The following SPICE1 variants were observed in gnomAD, a reference collection of about 807,000 sequenced individuals.
SPICE1 encodes spindle and centriole associated protein 1.
A neutral mutation model predicts 102.7 loss-of-function variants in SPICE1; 75 were observed. The observed-to-expected ratio is 0.73, with a 90% CI of 0.61 to 0.88. The LOEUF (loss-of-function observed/expected upper bound fraction) is 0.88, where lower values mean the gene tolerates loss of function less well. Among genes scored for constraint, SPICE1 ranks in the 40% least tolerant of loss-of-function variants. The pLI is 0.00. For synonymous variants in SPICE1, 308 were observed against 350.3 expected, an observed-to-expected ratio of 0.88 and a Z score of 1.35; for missense variants, 979 against 1,020.1, an observed-to-expected ratio of 0.96 and a Z score of 0.55.
rs574233016 is a variant in SPICE1 at position 113,475,161 on chromosome 3, C to T, written c.612-5923G>A. Among the ~76,000 whole-genome samples the T allele has an allele frequency of 5.3e-4, 80 of 152,176 alleles. No individual in the cohort carries two copies. The East Asian group carries it at 7.3e-3, about 14-fold the overall frequency. ...TCAGAGAATACTACAAACACCTCTA[C>T]GCAAATAAACTAGAAAATCTAGAAG... On this transcript the variant is annotated intron_variant, in intron 7 of 17. Transcript: ENST00000295872.
intron 7 of SPICE1, among the ~76,000 whole-genome samples, chr3:113,475,756 G>A (rs1437046767): frequency 3.9e-5 from 6 of 152,096 alleles, no homozygotes; most frequent in East Asian, 1.9e-4. Context: ...AAAAACTCTC[G>A]ATAAATTAGG....
intron 7 of SPICE1, among the ~76,000 whole-genome samples, chr3:113,475,224 A>G (rs1021684773): frequency 1.3e-5 from 2 of 152,224 alleles, no homozygotes; most frequent in African/African-American, 4.8e-5. Flanking sequence ...TCCTCCCAAG[A>G]CTAAACCAGG....
intron 6 of SPICE1, among the ~76,000 whole-genome samples, chr3:113,491,037 C>G (rs919033072): frequency 2.6e-5 from 4 of 152,296 alleles, no homozygotes; most frequent in Admixed American, 2.6e-4. Flanking sequence ...CATCATGACT[C>G]CACTCTTTAA....
At chr3:113,450,148 A>C (rs1935611412) in intron 15 of SPICE1, 188 bp downstream of exon 15, 1 of 610,966 alleles carries the variant, frequency 1.6e-6, no homozygotes, top group South Asian at 2.0e-5. Flanking sequence ...AGAAATAATC[A>C]GGAGATCTGC....
intron 7 of SPICE1, among the ~76,000 whole-genome samples, chr3:113,469,566 TATTA>T (rs1366313536): frequency 2.0e-5 from 3 of 148,074 alleles, no homozygotes; most frequent in African/African-American, 7.4e-5. Context: ...ATGTATATTA[TATTA>T]ATTTATATAA....
Position 113,469,110 on chromosome 3 carries a change from C to A in SPICE1, c.740G>T (p.Gly247Val). 6.2e-7 allele frequency: 1 copy of A among 1,612,498 alleles called. No individual in the cohort carries two copies. The highest frequency in any genetic ancestry group is 8.5e-7 in the Non-Finnish European group (1 of 1,179,388). The change falls in exon 8 of 18, where the codon GGG (glycine) becomes GTG (valine). Residue 247 changes from glycine to valine, a missense_variant. Transcript: ENST00000295872. Reference protein sequence around the residue: ...PGTPSSALSSGEQRAALNATN... With the variant: ...PGTPSSALSSVEQRAALNATN... ...AAAGGGAAACAAACCTCTTTGCTCC[C>A]CTGATGAAAGAGCAGATGATGGCGT...
chr3:113,464,112 G>T (rs1446017033), intron 11 of SPICE1, among the ~76,000 whole-genome samples: 1 of 151,848 alleles, frequency 6.6e-6, no homozygotes, highest in Admixed American at 6.6e-5. Context: ...CTGGAGTGAG[G>T]AAAATGTTCT....
intron 6 of SPICE1, 110 bp from the exon 7 acceptor site, chr3:113,489,173 A>C (rs1031794521): frequency 3.1e-6 from 2 of 642,914 alleles, no homozygotes; most frequent in Non-Finnish European, 5.4e-6. Context: ...TAAGCCCTCC[A>C]CATGTTGTAG....
intron 4 of SPICE1, among the ~76,000 whole-genome samples, chr3:113,498,151 C>T (rs561158387): frequency 2.6e-5 from 4 of 152,288 alleles, no homozygotes; most frequent in Non-Finnish European, 4.4e-5. Flanking sequence ...GCTGGGATTA[C>T]AGGCATGAGC....
intron 7 of SPICE1, among the ~76,000 whole-genome samples, chr3:113,486,179 T>C (rs564185754): frequency 1.4e-5 from 2 of 139,734 alleles, no homozygotes; most frequent in South Asian, 2.3e-4. Context: ...ATATAGTATA[T>C]CAAATATACT....
chr3:113,496,339 C>T (rs1401019859), intron 4 of SPICE1, among the ~76,000 whole-genome samples: 1 of 151,956 alleles, frequency 6.6e-6, no homozygotes, highest in East Asian at 1.9e-4. Flanking sequence ...TCTATTACTC[C>T]TCAAATGAGT....
chr3:113,485,230 ACT>A (rs934381187), intron 7 of SPICE1, among the ~76,000 whole-genome samples: 13 of 151,306 alleles, frequency 8.6e-5, no homozygotes, highest in African/African-American at 3.2e-4. Flanking sequence ...GAGAGACAGA[ACT>A]GTTCACTCCC....
chr3:113,501,631 A>G (rs1312742387), intron 3 of SPICE1, among the ~76,000 whole-genome samples: 1 of 152,240 alleles, frequency 6.6e-6, no homozygotes, highest in Non-Finnish European at 1.5e-5. Context: ...TCCAAAGAAT[A>G]TAGTAGAAAT....
Position 113,469,184 on chromosome 3 carries a change from A to G in SPICE1, c.666T>C (p.Thr222=). The G allele has an allele frequency of 6.2e-7, 1 of 1,608,290 alleles. No individual in the cohort carries two copies. Among genetic ancestry groups the G allele is most frequent in the Non-Finnish European group, 8.5e-7 (1 of 1,176,884 alleles). The change falls in exon 8 of 18, where the codon ACT becomes ACC. Residue 222 remains threonine (T), a synonymous_variant. Coordinates refer to ENST00000295872, the MANE Select transcript of SPICE1 (RefSeq NM_144718.4). ...GGGTTGCTATTTTCTGCTGAATGTC[A>G]GTCCACAACTTACTAATTAACTCAA... The part of the protein sequence containing the change: ...ENFELISKLW[T]DIQQKIATQS...
At chr3:113,450,554 T>C (rs764026812) in intron 14 of SPICE1, 38 bp from the exon 15 acceptor site, 3 of 1,525,972 alleles carry the variant, frequency 2.0e-6, no homozygotes, top group South Asian at 1.3e-5. Flanking sequence ...AATTGAATAC[T>C]GAATACTGAA....
intron 6 of SPICE1, among the ~76,000 whole-genome samples, chr3:113,491,472 A>C (rs1326105853): frequency 3.3e-5 from 5 of 151,782 alleles, no homozygotes; most frequent in Admixed American, 3.3e-4. Context: ...ATACAAAAAA[A>C]AAATTAGCCG....
At chr3:113,482,164 T>A (rs1195571924) in intron 7 of SPICE1, among the ~76,000 whole-genome samples, 1 of 152,228 alleles carries the variant, frequency 6.6e-6, no homozygotes, top group Non-Finnish European at 1.5e-5. Context: ...TGATGACCAG[T>A]GATGATGAGC....
chr3:113,480,109 T>C (rs1266942690), intron 7 of SPICE1, among the ~76,000 whole-genome samples: 2 of 151,984 alleles, frequency 1.3e-5, no homozygotes, highest in Non-Finnish European at 2.9e-5. Flanking sequence ...TAGAAATACA[T>C]TGATTAACCT....
At chr3:113,511,373 T>C (rs927416517) in intron 1 of SPICE1, among the ~76,000 whole-genome samples, 5 of 152,216 alleles carry the variant, frequency 3.3e-5, no homozygotes, top group African/African-American at 9.6e-5. Flanking sequence ...ATGCCCATCA[T>C]TGATAGACTG....
Sources: gnomAD v4.1 joint callset for allele counts (sites outside exome capture counted in the v4.1 genomes callset) on GRCh38, gnomAD v4.1.1 for gene constraint, MANE v1.5 for transcripts, NCBI Gene and HGNC (gene_info 2026-07-23, HGNC 2026-07-21) for gene names.